GPR174: variants seen among roughly 807,000 people sequenced by gnomAD.
GPR174 encodes G protein-coupled receptor 174, also known as probable G protein-coupled receptor 174.
A neutral mutation model predicts 16.5 loss-of-function variants in GPR174; 8 were observed. The observed-to-expected ratio is 0.48, with a 90% CI of 0.28 to 0.87. The LOEUF (loss-of-function observed/expected upper bound fraction) is 0.87. Among genes scored for constraint, GPR174 ranks in the 40% least tolerant of loss-of-function variants. GPR174 has a pLI of 0.09. For missense variants in GPR174, 214 were observed against 247.5 expected (o/e 0.86, Z 0.91); for synonymous variants, 111 against 94.8 (o/e 1.17, Z -0.99).
intron 2 of GPR174, among the ~76,000 whole-genome samples, chrX:79,162,980 C>T (rs1921271432): frequency 9.0e-6 from 1 of 111,725 alleles, no homozygotes; most frequent in Non-Finnish European, 1.9e-5. Context: ...TAAGGATGTT[C>T]AAGTTAAAGT....
intron 2 of GPR174, among the ~76,000 whole-genome samples, chrX:79,164,208 C>T (rs1921301791): frequency 9.0e-6 from 1 of 110,959 alleles, no homozygotes; most frequent in Non-Finnish European, 1.9e-5. Context: ...CTCCCCGCCC[C>T]CACCACACCC....
At chrX:79,156,354 G>A (rs1602338193) in intron 1 of GPR174, among the ~76,000 whole-genome samples, 1 of 112,483 alleles carries the variant, frequency 8.9e-6, no homozygotes, top group East Asian at 2.8e-4. Context: ...GAGCTGTGCT[G>A]ACAACCACTG....
In GPR174 at chrX:79,172,206, C is replaced by A; in HGVS notation, c.*197C>A. ...TCCACGATTATTGATGTTGACATGTCCATGTAGTAATTTTTCTTCAAGTCT... is the reference window on the plus strand; with the variant it reads ...TCCACGATTATTGATGTTGACATGTACATGTAGTAATTTTTCTTCAAGTCT... On this transcript the variant is annotated 3_prime_UTR_variant, in exon 3 of 3. Transcript: ENST00000645147. 1 of 401,001 alleles carries A rather than the reference C, an allele frequency of 2.5e-6. No homozygotes were observed. Among genetic ancestry groups the A allele is most frequent in the South Asian group, 7.5e-5 (1 of 13,284 alleles). The allele number at this position is 401,001 out of a possible 1,213,427, so 33.0% of individuals were successfully genotyped here.
chrX:79,146,328 G>A (rs914023140), intron 1 of GPR174, among the ~76,000 whole-genome samples: 6 of 112,486 alleles, frequency 5.3e-5, no homozygotes, highest in African/African-American at 1.6e-4. Flanking sequence ...TTTCATAAAA[G>A]AAAATGTTAT....
rs1921413502 is a variant in GPR174, at chrX:79,167,815, A to C, written c.-556-2637A>C. Among the ~76,000 whole-genome samples, 5 of 112,232 alleles carry C rather than the reference A, an allele frequency of 4.5e-5. No individual in the cohort carries two copies. The Admixed American group carries it at 4.7e-4, about 11-fold the overall frequency. ...TGGCAAAAAGGCAATGTTCACAATA[A>C]CTGCATTGTCTGTCTACACATATGT... On this transcript the variant is annotated intron_variant, in intron 2 of 2. Transcript: ENST00000645147.
At chrX:79,148,492 T>A (rs767381260) in intron 1 of GPR174, among the ~76,000 whole-genome samples, 35 of 111,888 alleles carry the variant, frequency 3.1e-4, no homozygotes, top group African/African-American at 1.1e-3. Context: ...TATAAGCTAA[T>A]CACATGTTAC....
intron 2 of GPR174, among the ~76,000 whole-genome samples, chrX:79,168,575 C>T (rs1168214775): frequency 9.2e-6 from 1 of 109,127 alleles, no homozygotes; most frequent in Non-Finnish European, 1.9e-5. Context: ...GTAGTATGCA[C>T]CTGTTGTCCC....
chrX:79,171,237 T>C lies in GPR174; in HGVS notation c.230T>C (p.Phe77Ser), dbSNP rs1406556404. ...GTTCTTTCCTTGCCACTGAGGATCT[T>C]CTACTACTTGAATCATGACTGGCCA... ...LQVLSLPLRI[F>S]YYLNHDWPFG... is the part of the protein sequence containing the mutation. The change falls in exon 3 of 3, where the codon TTC becomes TCC. Residue 77 changes from phenylalanine (F) to serine (S), a missense_variant. By Grantham distance (155) the Phe-to-Ser change is radical. Transcript: ENST00000645147. 2.5e-6 allele frequency: 3 copies of C among 1,211,101 alleles called. No individual in the cohort carries two copies. The highest frequency in any genetic ancestry group is 3.5e-5 in the South Asian group (2 of 56,912).
chrX:79,148,722 C>T (rs1188002617), intron 1 of GPR174, among the ~76,000 whole-genome samples: 1 of 111,044 alleles, frequency 9.0e-6, no homozygotes, highest in African/African-American at 3.3e-5. Flanking sequence ...GGTTTTGACT[C>T]GTCTGGAACT....
chrX:79,147,368 A>C (rs1260676802), intron 1 of GPR174, among the ~76,000 whole-genome samples: 1 of 109,865 alleles, frequency 9.1e-6, no homozygotes, highest in East Asian at 2.8e-4. Context: ...TCATTTTGAG[A>C]GCATTCAAGA....
intron 2 of GPR174, among the ~76,000 whole-genome samples, chrX:79,159,280 T>G (rs1360050386): frequency 9.0e-6 from 1 of 111,327 alleles, no homozygotes; most frequent in Non-Finnish European, 1.9e-5. Flanking sequence ...ACCCAACCAT[T>G]ACTACTACCA....
chrX:79,149,839 T>TGC (rs2147447580), intron 1 of GPR174, among the ~76,000 whole-genome samples: 1 of 106,793 alleles, frequency 9.4e-6, no homozygotes, highest in South Asian at 4.1e-4. Context: ...TTTTTTTTTT[T>TGC]GCCATGAAAT....
rs534986979 is a variant in GPR174 at position 79,145,415 on chromosome X, C to T, written c.-654+198C>T. Among the ~76,000 whole-genome samples, 10 of 110,939 alleles carry T rather than the reference C, an allele frequency of 9.0e-5. No individual in the cohort carries two copies. The South Asian group carries it at 3.4e-3, about 38-fold the overall frequency. On this transcript the variant is annotated intron_variant, in intron 1 of 2. Transcript: ENST00000645147. ...CAAAAATAATTGTATGACGGGCTGCCGGAGGAGGGAGGCAACTTTAAACTT... is the reference window on the plus strand; with the variant it reads ...CAAAAATAATTGTATGACGGGCTGCTGGAGGAGGGAGGCAACTTTAAACTT...
chrX:79,156,698 T>C (rs969799608), intron 1 of GPR174, 124 bp from the exon 2 acceptor site: 2 of 112,322 alleles, frequency 1.8e-5, no homozygotes, highest in African/African-American at 6.5e-5. Context: ...TAACTCTCTA[T>C]ACTCTCCTTT....
intron 2 of GPR174, among the ~76,000 whole-genome samples, chrX:79,157,523 A>G (rs1261554764): frequency 8.9e-6 from 1 of 111,923 alleles, no homozygotes; most frequent in Non-Finnish European, 1.9e-5. Flanking sequence ...TTAAACTTTT[A>G]TGTAATATAA....
chrX:79,165,998 AG>A (rs772191487), intron 2 of GPR174, among the ~76,000 whole-genome samples: 1 of 111,838 alleles, frequency 8.9e-6, no homozygotes, highest in Non-Finnish European at 1.9e-5. Flanking sequence ...AAATCCCCAC[AG>A]CCCTGTCAGC....
At position 79,171,343 on chromosome X, in the gene GPR174, C is replaced by A. The variant is rs1237745022; in HGVS notation, c.336C>A (p.Ile112=). 1 of 1,211,415 alleles carries A rather than the reference C, an allele frequency of 8.3e-7. No homozygotes were observed. Among genetic ancestry groups the A allele is most frequent in the Non-Finnish European group, 1.1e-6 (1 of 895,264 alleles). ...MYASIYFLVC[I]SVRRFWFLMY... is the part of the protein sequence containing the mutation. ...CAAGCATCTACTTCTTGGTCTGCATCAGTGTGCGACGATTTTGGTTTCTCA... is the reference window on the plus strand; with the variant it reads ...CAAGCATCTACTTCTTGGTCTGCATAAGTGTGCGACGATTTTGGTTTCTCA... The change falls in exon 3 of 3, where the codon ATC becomes ATA. Residue 112 remains isoleucine (I), a synonymous_variant. Transcript: ENST00000645147.
At position 79,154,385 on chromosome X, in the gene GPR174, G is replaced by A. The variant is rs183332074; in HGVS notation, c.-653-2437G>A. Among the ~76,000 whole-genome samples the A allele has an allele frequency of 3.8e-4, 42 of 111,592 alleles. No homozygotes were observed. In the East Asian group the frequency reaches 0.011, roughly 29 times the overall value. Reference sequence around the variant, plus strand: ...TTAGCTTAAATCCACTTATCACATCGCAATAGTTTTAAGCATAAAAGTAGA... The same window carrying A: ...TTAGCTTAAATCCACTTATCACATCACAATAGTTTTAAGCATAAAAGTAGA... On this transcript the variant is annotated intron_variant, in intron 1 of 2. Transcript: ENST00000645147.
chrX:79,172,760 C>T lies in GPR174; in HGVS notation c.*751C>T, dbSNP rs1921550285. 9.0e-6 allele frequency: 1 copy of T among 111,689 alleles called. No individual in the cohort carries two copies. The highest frequency in any genetic ancestry group is 1.9e-5 in the Non-Finnish European group (1 of 53,109). 9.2% of individuals were successfully genotyped at this position (111,689 alleles called of 1,213,427 possible). A position where few individuals can be genotyped will look rare whatever the true frequency, so the allele number is the denominator to read the frequency against. ...GACAGGTAGTTTGTCAAAGTCCATA[C>T]AAGGTGACTCAATTGGGCTCTAGGC... On this transcript the variant is annotated 3_prime_UTR_variant, in exon 3 of 3. Transcript: ENST00000645147.
Sources: allele counts gnomAD v4.1 joint callset (sites outside exome capture counted in the v4.1 genomes callset), GRCh38; gene constraint gnomAD v4.1.1; transcripts MANE v1.5; gene names NCBI Gene and HGNC (gene_info 2026-07-23, HGNC 2026-07-21).